WWP2: variants seen among roughly 807,000 people sequenced by gnomAD.
WWP2 encodes the protein NEDD4-like E3 ubiquitin-protein ligase WWP2.
In WWP2, 57 loss-of-function variants were observed where a neutral mutation model predicts 121.0. The observed-to-expected ratio is 0.47, with a 90% confidence interval of 0.38 to 0.59. WWP2 has a LOEUF of 0.59. Ranked by LOEUF, WWP2 falls within the 20% of genes least tolerant of loss-of-function variation. The pLI is 0.00. For synonymous variants in WWP2, 449 were observed against 441.3 expected (o/e 1.02, Z -0.22); for missense variants, 962 against 1,158.9 (o/e 0.83, Z 2.47).
chr16:69,936,180 G>A (rs879193005), intron 18 of WWP2, 132 bp from the exon 19 acceptor site: 31 of 1,468,206 alleles, frequency 2.1e-5, no homozygotes, highest in Non-Finnish European at 2.7e-5. Context: ...TTGAGTCAAG[G>A]AGCTGTCCCC....
rs536681988 is a variant in WWP2, at chr16:69,938,180, AT to A, written c.2343+540del. Among the ~76,000 whole-genome samples, 641 of 148,502 alleles carry A rather than the reference AT, an allele frequency of 4.3e-3. 6 individuals are homozygous for A. Among genetic ancestry groups the A allele is most frequent in the African/African-American group, 0.013 (535 of 40,730 alleles). On this transcript the variant is annotated intron_variant, in intron 21 of 23. Coordinates refer to ENST00000359154, the MANE Select transcript of WWP2 (RefSeq NM_001270454.2). ...TTGTATAACATACAATTAACTATTA[AT>A]TTTTTTTTTTTCAATAGAGACAGGG... is the stretch of plus-strand genomic sequence containing the variant.
chr16:69,811,647 G>A lies in WWP2; in HGVS notation c.340+12352G>A, dbSNP rs148828730. 1.8e-3 allele frequency among the ~76,000 whole-genome samples: 275 copies of A among 152,232 alleles called. 2 individuals carry two copies. The highest frequency in any genetic ancestry group is 6.1e-3 in the African/African-American group (255 of 41,550). On this transcript the variant is annotated intron_variant, in intron 4 of 23. Transcript: ENST00000359154. ...CATGCAACGGTAGTCCCAGCCACTT[G>A]GGAGGCTGAGGTGGGAGGATCACTT... is the stretch of plus-strand genomic sequence containing the variant.
intron 2 of WWP2, among the ~76,000 whole-genome samples, chr16:69,789,264 C>G (rs1277829728): frequency 2.0e-5 from 3 of 152,006 alleles, no homozygotes; most frequent in Non-Finnish European, 2.9e-5. Flanking sequence ...GAGTCTCGCT[C>G]TGTTGCTCAG....
intron 2 of WWP2, among the ~76,000 whole-genome samples, chr16:69,789,743 T>C (rs1244474014): frequency 7.2e-5 from 11 of 152,228 alleles, no homozygotes; most frequent in Admixed American, 7.2e-4. Flanking sequence ...TGTCAGACTT[T>C]TAACTTTTGC....
intron 4 of WWP2, among the ~76,000 whole-genome samples, chr16:69,839,483 A>G (rs1396823806): frequency 1.3e-5 from 2 of 152,170 alleles, no homozygotes; most frequent in Non-Finnish European, 2.9e-5. Flanking sequence ...AGTCACCCAC[A>G]GGACTGAATC....
rs182311713 is a variant in WWP2, at chr16:69,888,060, C to G, written c.725C>G (p.Ala242Gly). The change falls in exon 8 of 24, where the codon GCC (alanine) becomes GGC (glycine). Residue 242 changes from alanine to glycine, a missense_variant. This residue lies in a region of WWP2 where 211 missense variants were observed against 196.5 expected (regional missense o/e 1.07). Transcript: ENST00000359154. ...TCAGTGAATGATGAACCCACAACAG[C>G]CACTGATCCCGAAGAACCTTCCGTT... ...NGTVNDEPTT[A>G]TDPEEPSVVG... 702 of 1,614,216 alleles carry G rather than the reference C, an allele frequency of 4.3e-4. No individual in the cohort carries two copies. Among genetic ancestry groups the G allele is most frequent in the Non-Finnish European group, 5.6e-4 (660 of 1,180,026 alleles).
chr16:69,853,411 G>T (rs1176429782), intron 6 of WWP2, among the ~76,000 whole-genome samples: 3 of 152,172 alleles, frequency 2.0e-5, no homozygotes, highest in Non-Finnish European at 4.4e-5. Flanking sequence ...GTGTCTGCTG[G>T]AGCCCCTGCC....
intron 8 of WWP2, among the ~76,000 whole-genome samples, chr16:69,894,242 ATTTTTTTTTT>A (rs34251036): frequency 7.6e-6 from 1 of 132,080 alleles, no homozygotes; most frequent in Non-Finnish European, 1.6e-5. Flanking sequence ...TACCCAGGCT[ATTTTTTTTTT>A]TTTTTTTGGT....
intron 6 of WWP2, among the ~76,000 whole-genome samples, chr16:69,856,356 T>C (rs2057312370): frequency 6.6e-6 from 1 of 152,212 alleles, no homozygotes; most frequent in African/African-American, 2.4e-5. Flanking sequence ...ATGGGAATGT[T>C]CTATGTCTCA....
rs1341779512 is a variant in WWP2 at position 69,827,902 on chromosome 16, T to TA, written c.341-12218dup. 9 of 455,952 alleles carry TA rather than the reference T, an allele frequency of 2.0e-5. 1 individual carries two copies. In the Admixed American group the frequency reaches 2.1e-4, roughly 11 times the overall value. The allele number at this position is 455,952 out of a possible 1,614,324, so 28.2% of individuals were successfully genotyped here. ...TGTATTTATTTCCCCAGGTACCTTT[T>TA]AAAAAATTAAAATATGCTACGGCTT... On this transcript the variant is annotated intron_variant, in intron 4 of 23. Coordinates refer to ENST00000359154, the MANE Select transcript of WWP2 (RefSeq NM_001270454.2).
intron 6 of WWP2, among the ~76,000 whole-genome samples, chr16:69,862,667 A>T (rs992313857): frequency 3.3e-5 from 5 of 151,424 alleles, no homozygotes; most frequent in Admixed American, 2.6e-4. Flanking sequence ...ACCAAGATAG[A>T]AAAGTATGCT....
At chr16:69,809,745 G>A (rs1242023495) in intron 4 of WWP2, among the ~76,000 whole-genome samples, 1 of 151,930 alleles carries the variant, frequency 6.6e-6, no homozygotes, top group African/African-American at 2.4e-5. Flanking sequence ...GCCAGCCTGG[G>A]TGACAAGAGT....
chr16:69,921,576 C>T lies in WWP2; in HGVS notation c.1179+3693C>T, dbSNP rs574945229. 5.9e-5 allele frequency among the ~76,000 whole-genome samples: 9 copies of T among 152,326 alleles called. No homozygotes were observed. The South Asian group carries it at 1.4e-3, about 25-fold the overall frequency. On this transcript the variant is annotated intron_variant, in intron 10 of 23. Transcript: ENST00000359154. ...TTTCTGCCATGTTTCCCTTTCCCAA[C>T]TCCTAGTGTGCTAATGTTGCCCGTG...
Position 69,935,754 on chromosome 16 carries a change from C to A in WWP2, c.1843-99C>A, listed in dbSNP as rs183819418. 2.7e-4 allele frequency: 410 copies of A among 1,499,744 alleles called. 1 individual carries two copies. In the African/African-American group the frequency reaches 5.2e-3, roughly 19 times the overall value. The allele number at this position is 1,499,744 out of a possible 1,614,324, so 92.9% of individuals were successfully genotyped here. On this transcript the variant is annotated intron_variant, in intron 17 of 23. Coordinates refer to ENST00000359154, the MANE Select transcript of WWP2 (RefSeq NM_001270454.2). This position sits in a 1 kb window ranked among gnomAD's most constrained non-coding sequence, Gnocchi z 5.2. ...CTGTAGTTCTGTCAGGGAAGGAAGG[C>A]GGGTAGCGGTAGCAGAGTTTGATAC... is the stretch of plus-strand genomic sequence containing the variant.
In WWP2 at chr16:69,939,946, G is replaced by A; in HGVS notation, c.*6G>A. ...AGGGCTTTGGACAGGAGTAACCGAG[G>A]CCGCCCCTCCCACGCCCCCCAGCGC... On this transcript the variant is annotated 3_prime_UTR_variant, in exon 24 of 24. Transcript: ENST00000359154. 1 of 1,611,760 alleles carries A rather than the reference G, an allele frequency of 6.2e-7. No homozygotes were observed. The highest frequency in any genetic ancestry group is 8.5e-7 in the Non-Finnish European group (1 of 1,178,910).
In WWP2 at chr16:69,937,434, A is replaced by G; in HGVS notation, c.2239-114A>G. On this transcript the variant is annotated intron_variant, in intron 20 of 23. Coordinates refer to ENST00000359154, the MANE Select transcript of WWP2 (RefSeq NM_001270454.2). This position sits in a 1 kb window ranked among gnomAD's most constrained non-coding sequence, Gnocchi z 6.6. ...GGGACTTACATTACCCATATTATTA[A>G]CGCTGACACCAAAAATAGCTAGTTG... 7.3e-7 allele frequency: 1 copy of G among 1,361,708 alleles called. No homozygotes were observed. Among genetic ancestry groups the G allele is most frequent in the Non-Finnish European group, 1.0e-6 (1 of 980,654 alleles). The allele number at this position is 1,361,708 out of a possible 1,614,324, so 84.4% of individuals were successfully genotyped here.
At chr16:69,791,778 T>C (rs1329125953) in intron 2 of WWP2, among the ~76,000 whole-genome samples, 1 of 151,772 alleles carries the variant, frequency 6.6e-6, no homozygotes, top group East Asian at 1.9e-4. Flanking sequence ...CCTTGGCCTC[T>C]TAAAGTGCTG....
At chr16:69,883,184 G>A (rs1351676695) in intron 7 of WWP2, among the ~76,000 whole-genome samples, 1 of 151,846 alleles carries the variant, frequency 6.6e-6, no homozygotes. Context: ...CAGCAATTCT[G>A]TAAGGCATGA....
At chr16:69,806,843 A>G (rs1008898680) in intron 4 of WWP2, among the ~76,000 whole-genome samples, 1 of 152,096 alleles carries the variant, frequency 6.6e-6, no homozygotes, top group Non-Finnish European at 1.5e-5. Context: ...TTTTCATAGA[A>G]CAACTTCTTG....
Sources: gnomAD v4.1 joint callset for allele counts (sites outside exome capture counted in the v4.1 genomes callset) on GRCh38, gnomAD v4.1.1 for gene constraint, gnomAD v4.1.1 regional missense constraint, Gnocchi (gnomAD v3.1) non-coding constraint, MANE v1.5 for transcripts, NCBI Gene and HGNC (gene_info 2026-07-23, HGNC 2026-07-21) for gene names.